The following FSTL5 variants were observed in gnomAD, a reference collection of about 807,000 sequenced individuals.
FSTL5 encodes the protein follistatin-related protein 5.
A neutral mutation model predicts 89.1 loss-of-function variants in FSTL5; 62 were observed. That is an observed-to-expected ratio of 0.70 (90% CI 0.57 to 0.86). The LOEUF (loss-of-function observed/expected upper bound fraction) is 0.86. FSTL5 is among the 40% of genes least tolerant of loss of function. FSTL5 has a pLI of 0.00. For missense variants in FSTL5, 1,057 were observed against 1,001.6 expected, an observed-to-expected ratio of 1.06 and a Z score of -0.75; for synonymous variants, 383 against 346.2, an observed-to-expected ratio of 1.11 and a Z score of -1.18.
At chr4:162,064,407 G>A (rs78061126) in intron 2 of FSTL5, among the ~76,000 whole-genome samples, 10,668 of 152,068 alleles carry the variant, frequency 0.07, 497 homozygotes, top group East Asian at 0.16. Context: ...GTGTGTCTGT[G>A]AGAACAGGTA....
Position 161,398,003 on chromosome 4 carries a change from G to C in FSTL5, c.1842-11554C>G, listed in dbSNP as rs372619906. ...TAGCAACAACAATAAAGTGTGTTAAGATCCAAGACTGCTAAGGAAGTGAAC... is the reference window on the plus strand; with the variant it reads ...TAGCAACAACAATAAAGTGTGTTAACATCCAAGACTGCTAAGGAAGTGAAC... On this transcript the variant is annotated intron_variant, in intron 15 of 15. Transcript: ENST00000306100. 2.3e-4 allele frequency among the ~76,000 whole-genome samples: 35 copies of C among 152,120 alleles called. 1 individual carries two copies. The East Asian group carries it at 5.0e-3, about 22-fold the overall frequency.
chr4:161,851,020 G>A (rs1311768421), intron 4 of FSTL5, among the ~76,000 whole-genome samples: 1 of 152,130 alleles, frequency 6.6e-6, no homozygotes, highest in East Asian at 1.9e-4. Context: ...AGACAAAGAT[G>A]ACTGTAAGCA....
intron 6 of FSTL5, among the ~76,000 whole-genome samples, chr4:161,699,076 T>G (rs1347867331): frequency 1.3e-5 from 2 of 152,172 alleles, no homozygotes; most frequent in Non-Finnish European, 2.9e-5. Flanking sequence ...TAATTTCAAT[T>G]CCTGGGCCTG....
At chr4:162,083,213 A>G (rs1483068714) in intron 2 of FSTL5, among the ~76,000 whole-genome samples, 1 of 151,824 alleles carries the variant, frequency 6.6e-6, no homozygotes. Flanking sequence ...ACATAGTTTT[A>G]TTGGAAACAT....
chr4:161,929,500 G>C (rs28731009), intron 3 of FSTL5, among the ~76,000 whole-genome samples: 29,878 of 151,508 alleles, frequency 0.2, 3,546 homozygotes, highest in Non-Finnish European at 0.24. Context: ...TATCTAAAAA[G>C]TAAGCTGGGA....
At chr4:161,753,596 T>A (rs1740470931) in intron 6 of FSTL5, among the ~76,000 whole-genome samples, 1 of 152,196 alleles carries the variant, frequency 6.6e-6, no homozygotes, top group African/African-American at 2.4e-5. Flanking sequence ...ATACTAATGA[T>A]CTAATATCTA....
rs1374964630 is a variant in FSTL5 at position 161,609,825 on chromosome 4, C to G, written c.895-22250G>C. Among the ~76,000 whole-genome samples the G allele has an allele frequency of 5.9e-5, 9 of 152,190 alleles. No homozygotes were observed. In the East Asian group the frequency reaches 1.7e-3, roughly 29 times the overall value. On this transcript the variant is annotated intron_variant, in intron 7 of 15. Coordinates refer to ENST00000306100, the MANE Select transcript of FSTL5 (RefSeq NM_020116.5). ...GCTGCCTACAGTAAACAAACCTGTC[C>G]TCTGTTCCTCAGGGAGATAATATTT...
At chr4:162,038,849 T>G (rs1336633296) in intron 2 of FSTL5, among the ~76,000 whole-genome samples, 1 of 151,840 alleles carries the variant, frequency 6.6e-6, no homozygotes, top group African/African-American at 2.4e-5. Context: ...AAATGCTAAA[T>G]GCTAAGTGCA....
At chr4:161,975,731 T>C (rs1320414625) in intron 3 of FSTL5, among the ~76,000 whole-genome samples, 3 of 147,490 alleles carry the variant, frequency 2.0e-5, no homozygotes, top group Admixed American at 6.9e-5. Context: ...TGTGCACATG[T>C]ACCCTAAAAC....
At chr4:161,644,732 G>A (rs1463860411) in intron 7 of FSTL5, among the ~76,000 whole-genome samples, 1 of 152,058 alleles carries the variant, frequency 6.6e-6, no homozygotes, top group African/African-American at 2.4e-5. Context: ...AAAGTGAAAT[G>A]GTCACATGTA....
intron 8 of FSTL5, among the ~76,000 whole-genome samples, chr4:161,579,821 CCAGGATA>C (rs1733371371): frequency 6.6e-6 from 1 of 151,310 alleles, no homozygotes; most frequent in Non-Finnish European, 1.5e-5. Flanking sequence ...GAGAATAAGC[CCAGGATA>C]CAAATGTTTA....
At chr4:161,566,019 A>G (rs1424168003) in intron 8 of FSTL5, among the ~76,000 whole-genome samples, 4 of 150,196 alleles carry the variant, frequency 2.7e-5, no homozygotes, top group South Asian at 4.2e-4. Flanking sequence ...GTACTAATGT[A>G]CATTCCTACC....
intron 2 of FSTL5, among the ~76,000 whole-genome samples, chr4:162,095,932 C>A (rs1008086260): frequency 1.3e-5 from 2 of 151,822 alleles, no homozygotes; most frequent in Non-Finnish European, 2.9e-5. Flanking sequence ...TGTGTGAAAT[C>A]TTTATCTACC....
chr4:161,468,464 A>G (rs1249547675), intron 13 of FSTL5, among the ~76,000 whole-genome samples: 9 of 152,106 alleles, frequency 5.9e-5, no homozygotes, highest in Non-Finnish European at 1.2e-4. Context: ...GCAGGTCTAC[A>G]CTGGCTTTTT....
chr4:162,094,912 T>G (rs950816732), intron 2 of FSTL5, among the ~76,000 whole-genome samples: 6 of 152,128 alleles, frequency 3.9e-5, no homozygotes, highest in East Asian at 1.9e-4. Flanking sequence ...AGGAAATAAA[T>G]AAAGAAATTC....
intron 7 of FSTL5, among the ~76,000 whole-genome samples, chr4:161,622,746 C>A (rs1310048311): frequency 1.3e-5 from 2 of 151,968 alleles, no homozygotes; most frequent in African/African-American, 4.8e-5. Context: ...ATTATAAAAA[C>A]AGAAAGCTGG....
At chr4:161,658,606 C>T (rs1192308157) in intron 6 of FSTL5, among the ~76,000 whole-genome samples, 1 of 152,110 alleles carries the variant, frequency 6.6e-6, no homozygotes, top group Admixed American at 6.6e-5. Flanking sequence ...CACACATATA[C>T]ACTCATACAG....
chr4:161,511,627 ATACATCATCT>A (rs1356680932), intron 10 of FSTL5, among the ~76,000 whole-genome samples: 1 of 152,126 alleles, frequency 6.6e-6, no homozygotes, highest in Non-Finnish European at 1.5e-5. Context: ...TACATAATAT[ATACATCATCT>A]TTTCATCTTA....
At chr4:161,853,149 TTATC>T in intron 4 of FSTL5, among the ~76,000 whole-genome samples, 1 of 152,350 alleles carries the variant, frequency 6.6e-6, no homozygotes, top group African/African-American at 2.4e-5. Context: ...TTTGTTGAGC[TTATC>T]TGTTTTCTAA....
Sources: gnomAD v4.1 joint callset for allele counts (sites outside exome capture counted in the v4.1 genomes callset) on GRCh38, gnomAD v4.1.1 for gene constraint, MANE v1.5 for transcripts, NCBI Gene and HGNC (gene_info 2026-07-23, HGNC 2026-07-21) for gene names.